BAIAP2L1: variants seen among roughly 807,000 people sequenced by gnomAD.
The protein encoded by BAIAP2L1 is BAR/IMD domain-containing adapter protein 2-like 1.
Under a neutral mutation model 66.3 loss-of-function variants are expected in BAIAP2L1, and 35 were observed. The ratio of observed to expected loss-of-function variants is 0.53; its 90% CI spans 0.40 to 0.70. The LOEUF is 0.70. Ranked by LOEUF, BAIAP2L1 falls within the 30% of genes least tolerant of loss-of-function variation. The pLI is 0.00. For synonymous variants in BAIAP2L1, 269 were observed against 248.7 expected, an observed-to-expected ratio of 1.08 and a Z score of -0.77; for missense variants, 622 against 656.9, an observed-to-expected ratio of 0.95 and a Z score of 0.58.
intron 1 of BAIAP2L1, among the ~76,000 whole-genome samples, chr7:98,373,401 T>C (rs1435112612): frequency 6.6e-6 from 1 of 152,206 alleles, no homozygotes; most frequent in Non-Finnish European, 1.5e-5. Context: ...TGGTCTATAT[T>C]AGCTATTATA....
At position 98,400,826 on chromosome 7, in the gene BAIAP2L1, G is replaced by A. The variant is rs1481962770; in HGVS notation, c.27C>T (p.Asn9=). MSRGPEEV[N]RLTESTYRNV... is the part of the protein sequence containing the mutation. ...CCCGGTAGGTGCTCTCCGTGAGCCG[G>A]TTCACCTCCTCGGGCCCCCGGGACA... is the stretch of plus-strand genomic sequence containing the variant. Residue 9 remains asparagine, a synonymous_variant, in exon 1 of 14, where the codon AAC becomes AAT. Coordinates refer to ENST00000005260, the MANE Select transcript of BAIAP2L1 (RefSeq NM_018842.5). 5.2e-6 allele frequency: 8 copies of A among 1,547,262 alleles called. No individual in the cohort carries two copies. The highest frequency in any genetic ancestry group is 2.8e-5 in the African/African-American group (2 of 72,456).
At position 98,293,465 on chromosome 7, in the gene BAIAP2L1, C is replaced by T; in HGVS notation, c.*56G>A. 6.6e-7 allele frequency: 1 copy of T among 1,521,210 alleles called. No individual in the cohort carries two copies. Among genetic ancestry groups the T allele is most frequent in the Non-Finnish European group, 9.1e-7 (1 of 1,097,398 alleles). The allele number at this position is 1,521,210 out of a possible 1,614,324, so 94.2% of individuals were successfully genotyped here. A position where few individuals can be genotyped will look rare whatever the true frequency, so the allele number is the denominator to read the frequency against. ...GTCAGCACGTGGCAGACAGGATGCGCCCATCATTCCGCAAGGGAGAACCGG... is the reference window on the plus strand; with the variant it reads ...GTCAGCACGTGGCAGACAGGATGCGTCCATCATTCCGCAAGGGAGAACCGG... On this transcript the variant is annotated 3_prime_UTR_variant, in exon 14 of 14. Coordinates refer to ENST00000005260, the MANE Select transcript of BAIAP2L1 (RefSeq NM_018842.5).
At chr7:98,335,772 G>GGACC (rs1801604923) in intron 3 of BAIAP2L1, among the ~76,000 whole-genome samples, 1 of 152,054 alleles carries the variant, frequency 6.6e-6, no homozygotes, top group South Asian at 2.1e-4. Context: ...TGCCCCTGAA[G>GGACC]GACCACCGGG....
At chr7:98,327,289 A>C (rs1042546152) in intron 3 of BAIAP2L1, among the ~76,000 whole-genome samples, 58 of 152,034 alleles carry the variant, frequency 3.8e-4, no homozygotes, top group African/African-American at 1.4e-3. Flanking sequence ...TCAACCAGGG[A>C]GGCAGAGGTT....
rs372754449 is a variant in BAIAP2L1, at chr7:98,363,031, T to TCTTTC, written c.52-600_52-599insGAAAG. Among the ~76,000 whole-genome samples, 16 of 131,096 alleles carry TCTTTC rather than the reference T, an allele frequency of 1.2e-4. 2 individuals carry two copies. Among genetic ancestry groups the TCTTTC allele is most frequent in the Non-Finnish European group, 7.8e-5 (5 of 64,374 alleles). The allele number at this position is 131,096 out of a possible 152,430, so 86.0% of individuals were successfully genotyped here. ...TGGATGTCCCTGGCATTTTTTCTTTTTTTTTTTTTTTTTTTTTTTTTGAGA... is the reference window on the plus strand; with the variant it reads ...TGGATGTCCCTGGCATTTTTTCTTTTCTTTCTTTTTTTTTTTTTTTTTTTTTGAGA... On this transcript the variant is annotated intron_variant, in intron 1 of 13. Transcript: ENST00000005260.
At chr7:98,309,041 C>T (rs1800774588) in intron 9 of BAIAP2L1, 1 of 150,280 alleles carries the variant, frequency 6.7e-6, no homozygotes, top group Admixed American at 6.7e-5. Flanking sequence ...TAATTTAAAA[C>T]AATGCAAGAT....
rs75638449 is a variant in BAIAP2L1, at chr7:98,310,547, G to A, written c.853C>T (p.Pro285Ser). 15 of 1,593,094 alleles carry A rather than the reference G, an allele frequency of 9.4e-6. No individual in the cohort carries two copies. Among genetic ancestry groups the A allele is most frequent in the Non-Finnish European group, 1.2e-5 (14 of 1,174,162 alleles). Reference sequence around the variant, plus strand: ...TATGCTCTGCCTGAAGGAGCGGGGGGCATCTTTGGTGAGCATTTAGAAAGG... The same window carrying A: ...TATGCTCTGCCTGAAGGAGCGGGGGACATCTTTGGTGAGCATTTAGAAAGG... The part of the protein sequence containing the change: ...DTLSKCSPKM[P>S]PAPSGRAYTS... The change falls in exon 9 of 14, where the codon CCC (proline) becomes TCC (serine). Residue 285 changes from proline (P) to serine (S), a missense_variant. By Grantham distance (74) the Pro-to-Ser change is moderately conservative. Transcript: ENST00000005260.
chr7:98,386,492 A>G, intron 1 of BAIAP2L1: 1 of 1,597,064 alleles, frequency 6.3e-7, no homozygotes, highest in East Asian at 2.2e-5. Context: ...CTTTCACATC[A>G]TACCAATCTT....
intron 1 of BAIAP2L1, chr7:98,400,196 T>A (rs1266516146): frequency 7.0e-6 from 1 of 143,198 alleles, no homozygotes; most frequent in Non-Finnish European, 1.5e-5. Flanking sequence ...TTGTAAAATG[T>A]GTAGCTGGTC....
At chr7:98,358,180 T>C (rs1014380822) in intron 2 of BAIAP2L1, among the ~76,000 whole-genome samples, 1 of 152,188 alleles carries the variant, frequency 6.6e-6, no homozygotes, top group Non-Finnish European at 1.5e-5. Flanking sequence ...GAAAACCATG[T>C]AACCTTCTCG....
intron 1 of BAIAP2L1, among the ~76,000 whole-genome samples, chr7:98,392,164 C>T (rs534761702): frequency 1.1e-5 from 1 of 87,332 alleles, no homozygotes; most frequent in Non-Finnish European, 2.3e-5. Flanking sequence ...AAGACCCCCT[C>T]GCTAAAAAAA....
At position 98,317,159 on chromosome 7, in the gene BAIAP2L1, C is replaced by A. The variant is rs77078833; in HGVS notation, c.486+60G>T. On this transcript the variant is annotated intron_variant, in intron 6 of 13. Coordinates refer to ENST00000005260, the MANE Select transcript of BAIAP2L1 (RefSeq NM_018842.5). ...TGAGCCACCGCACCCGGCTAACCTC[C>A]TCTTAAACTGTGCAAATTGTCAACA... The A allele has an allele frequency of 2.0e-4, 323 of 1,610,496 alleles. 1 individual carries two copies. The African/African-American group carries it at 3.9e-3, about 20-fold the overall frequency.
chr7:98,311,999 A>T (rs1800890527), intron 8 of BAIAP2L1, 98 bp downstream of exon 8: 2 of 1,268,034 alleles, frequency 1.6e-6, no homozygotes, highest in East Asian at 4.7e-5. Context: ...TGGAAGTAAT[A>T]AAGGGGGACC....
At chr7:98,336,076 T>C (rs373240483) in intron 3 of BAIAP2L1, among the ~76,000 whole-genome samples, 1 of 146,830 alleles carries the variant, frequency 6.8e-6, no homozygotes, top group South Asian at 2.1e-4. Context: ...ATCTCACTTA[T>C]AAGTGGGACC....
At chr7:98,357,432 T>C (rs1802162667) in intron 2 of BAIAP2L1, among the ~76,000 whole-genome samples, 1 of 151,412 alleles carries the variant, frequency 6.6e-6, no homozygotes, top group African/African-American at 2.4e-5. Context: ...CCGGGCATGG[T>C]GGCACATGCT....
intron 3 of BAIAP2L1, among the ~76,000 whole-genome samples, chr7:98,330,300 G>A (rs1801464382): frequency 6.6e-6 from 1 of 152,194 alleles, no homozygotes; most frequent in South Asian, 2.1e-4. Flanking sequence ...GAAGCAGAGA[G>A]ATGATGTGTT....
intron 3 of BAIAP2L1, among the ~76,000 whole-genome samples, chr7:98,345,458 C>T (rs1332570362): frequency 1.3e-5 from 2 of 151,968 alleles, no homozygotes; most frequent in Non-Finnish European, 2.9e-5. Flanking sequence ...GGCACGGTGG[C>T]TCACGCCTGT....
At chr7:98,399,042 C>G (rs1306225478) in intron 1 of BAIAP2L1, among the ~76,000 whole-genome samples, 6 of 152,194 alleles carry the variant, frequency 3.9e-5, no homozygotes, top group Non-Finnish European at 2.9e-5. Flanking sequence ...AGGTCTGAGT[C>G]TGGCAGAAAG....
chr7:98,400,920 C>T lies in BAIAP2L1; in HGVS notation c.-68G>A. ...GGCCTCGTGGCCGCCGGACTCCGGG[C>T]AGCGGGAGGGCCGGGGCGCGACTAA... On this transcript the variant is annotated 5_prime_UTR_variant, in exon 1 of 14. Transcript: ENST00000005260. The T allele has an allele frequency of 7.0e-7, 1 of 1,437,480 alleles. No individual in the cohort carries two copies. The highest frequency in any genetic ancestry group is 9.2e-7 in the Non-Finnish European group (1 of 1,092,128). 89.0% of individuals were successfully genotyped at this position (1,437,480 alleles called of 1,614,324 possible).
Sources: gnomAD v4.1 joint callset for allele counts (sites outside exome capture counted in the v4.1 genomes callset) on GRCh38, gnomAD v4.1.1 for gene constraint, MANE v1.5 for transcripts, NCBI Gene and HGNC (gene_info 2026-07-23, HGNC 2026-07-21) for gene names.